The following CASKIN1 variants were observed in gnomAD, a reference collection of about 807,000 sequenced individuals.
The protein encoded by CASKIN1 is caskin-1.
In CASKIN1, 42 loss-of-function variants were observed where a neutral mutation model predicts 117.5. The ratio of observed to expected loss-of-function variants is 0.36; its 90% CI spans 0.28 to 0.46. The LOEUF (loss-of-function observed/expected upper bound fraction) is 0.46, where lower values mean the gene tolerates loss of function less well. Among genes scored for constraint, CASKIN1 ranks in the 20% least tolerant of loss-of-function variants. The pLI is 1.00. For synonymous variants in CASKIN1, 1,148 were observed against 961.7 expected (o/e 1.19, Z -3.59); for missense variants, 2,083 against 2,077.3 (o/e 1.00, Z -0.05).
chr16:2,186,925 A>G, intron 9 of CASKIN1, 53 bp downstream of exon 9: 1 of 1,603,996 alleles, frequency 6.2e-7, no homozygotes, highest in Non-Finnish European at 8.5e-7. Flanking sequence ...TGGGGTGCGC[A>G]CGCCCAGGTG....
At position 2,190,294 on chromosome 16, in the gene CASKIN1, G is replaced by A. The variant is rs1364385223; in HGVS notation, c.146+13C>T. ...CTCCCTTCCAGGCAGGCACCACCCGGCTCAGAACTCACCCATCCGGGTCCT... is the reference window on the plus strand; with the variant it reads ...CTCCCTTCCAGGCAGGCACCACCCGACTCAGAACTCACCCATCCGGGTCCT... On this transcript the variant is annotated intron_variant, in intron 2 of 19. Transcript: ENST00000343516. 3 of 1,576,444 alleles carry A rather than the reference G, an allele frequency of 1.9e-6. No individual in the cohort carries two copies. The highest frequency in any genetic ancestry group is 2.6e-6 in the Non-Finnish European group (3 of 1,160,516).
chr16:2,178,310 G>A lies in CASKIN1; in HGVS notation c.*240C>T. On this transcript the variant is annotated 3_prime_UTR_variant, in exon 20 of 20. Transcript: ENST00000343516. ...CCCGCGCGGGCAGGAGGCCCAGCAGGTATTGCACGGGGAGCAGCAGGTGGG... is the reference window on the plus strand; with the variant it reads ...CCCGCGCGGGCAGGAGGCCCAGCAGATATTGCACGGGGAGCAGCAGGTGGG... The A allele has an allele frequency of 6.8e-6, 3 of 442,368 alleles. No homozygotes were observed. Among genetic ancestry groups the A allele is most frequent in the Non-Finnish European group, 8.1e-6 (2 of 247,886 alleles). 27.4% of individuals were successfully genotyped at this position (442,368 alleles called of 1,614,324 possible). A position where few individuals can be genotyped will look rare whatever the true frequency, so the allele number is the denominator to read the frequency against.
At position 2,178,948 on chromosome 16, in the gene CASKIN1, G is replaced by A; in HGVS notation, c.4153C>T (p.Gln1385Ter). Residue 1385 changes from glutamine to a stop codon, truncating the protein, a stop_gained, in exon 19 of 20, where the codon CAG (glutamine) becomes TAG (stop). Transcript: ENST00000343516. LOFTEE classifies it high-confidence loss of function. ...TGCCGGATCTTCTCCTCCACCGCCT[G>A]CAGCGCCGCGGCCAGGCACGCGCTT... ...ETSACLAAAL[Q>*]AVEEKIRQED... 6.7e-7 allele frequency: 1 copy of A among 1,488,874 alleles called. No homozygotes were observed. Among genetic ancestry groups the A allele is most frequent in the Non-Finnish European group, 8.9e-7 (1 of 1,128,532 alleles). 92.2% of individuals were successfully genotyped at this position (1,488,874 alleles called of 1,614,324 possible).
chr16:2,190,486 C>CTCACTCGT, intron 1 of CASKIN1, 128 bp from the exon 2 acceptor site: 1 of 819,496 alleles, frequency 1.2e-6, no homozygotes. Context: ...TCTGCAGACA[C>CTCACTCGT]TCACTCGTCC....
chr16:2,179,246 C>G lies in CASKIN1; in HGVS notation c.3855G>C (p.Lys1285Asn). ...PPPPTAPKPV[K>N]AVAGLPSGSA... The stretch of plus-strand genomic sequence containing the variant: ...TGCCCGAAGGCAGCCCCGCGACCGC[C>G]TTGACGGGCTTGGGCGCTGTGGGCG... The change falls in exon 19 of 20, where the codon AAG (lysine) becomes AAC (asparagine). Residue 1285 changes from lysine to asparagine, a missense_variant. This residue lies in a region of CASKIN1 where 1,818 missense variants were observed against 1,688.9 expected (regional missense o/e 1.08). Transcript: ENST00000343516. The surrounding 1 kb of genome is among the most constrained non-coding windows in gnomAD (Gnocchi z 5.8). The G allele has an allele frequency of 8.3e-7, 1 of 1,202,990 alleles. No individual in the cohort carries two copies. The highest frequency in any genetic ancestry group is 1.0e-6 in the Non-Finnish European group (1 of 969,986). The allele number at this position is 1,202,990 out of a possible 1,614,324, so 74.5% of individuals were successfully genotyped here. A position where few individuals can be genotyped will look rare whatever the true frequency, so the allele number is the denominator to read the frequency against.
Position 2,181,862 on chromosome 16 carries a change from C to T in CASKIN1, c.1697G>A (p.Gly566Asp), listed in dbSNP as rs928055011. Reference protein sequence around the residue: ...AQYYKVLVDNGYENIDFITDI... With the variant: ...AQYYKVLVDNDYENIDFITDI... Reference sequence around the variant, plus strand: ...GGTGATGAAATCAATGTTCTCGTAGCCATTGTCCACCAACACCTTGTAGTA... The same window carrying T: ...GGTGATGAAATCAATGTTCTCGTAGTCATTGTCCACCAACACCTTGTAGTA... Residue 566 changes from glycine (G) to aspartate (D), a missense_variant, in exon 17 of 20, where the codon GGC (glycine) becomes GAC (aspartate). Gly to Asp is a moderately conservative substitution (Grantham distance 94, BLOSUM62 -1). Coordinates refer to ENST00000343516, the MANE Select transcript of CASKIN1 (RefSeq NM_020764.4). 3 of 1,613,728 alleles carry T rather than the reference C, an allele frequency of 1.9e-6. No individual in the cohort carries two copies. Among genetic ancestry groups the T allele is most frequent in the Non-Finnish European group, 2.5e-6 (3 of 1,180,014 alleles).
At position 2,190,366 on chromosome 16, in the gene CASKIN1, T is replaced by C. The variant is rs770925539; in HGVS notation, c.95-8A>G. 1 of 1,567,500 alleles carries C rather than the reference T, an allele frequency of 6.4e-7. No individual in the cohort carries two copies. Among genetic ancestry groups the C allele is most frequent in the South Asian group, 1.2e-5 (1 of 85,604 alleles). On this transcript the variant is annotated splice_region_variant and splice_polypyrimidine_tract_variant and intron_variant, in intron 1 of 19. Coordinates refer to ENST00000343516, the MANE Select transcript of CASKIN1 (RefSeq NM_020764.4). ...TGGTGGAACCCAGGAGCTCTGGGGA[T>C]GGAAGGAGACTCAGTGAGGGGAGGC...
In CASKIN1 at chr16:2,178,933, TCTC is replaced by T. The variant is rs755668946; in HGVS notation, c.4165_4167del (p.Glu1389del). 50 of 1,493,954 alleles carry T rather than the reference TCTC, an allele frequency of 3.3e-5. No homozygotes were observed. Among genetic ancestry groups the T allele is most frequent in the African/African-American group, 2.2e-4 (15 of 68,634 alleles). 92.5% of individuals were successfully genotyped at this position (1,493,954 alleles called of 1,614,324 possible). A position where few individuals can be genotyped will look rare whatever the true frequency, so the allele number is the denominator to read the frequency against. On this transcript the variant is annotated inframe_deletion, in exon 19 of 20. Transcript: ENST00000343516. Reference sequence around the variant, plus strand: ...CCCTGCGCGTCCTCCTGCCGGATCTTCTCCTCCACCGCCTGCAGCGCCGCGGCC... The same window carrying T: ...CCCTGCGCGTCCTCCTGCCGGATCTTCTCCACCGCCTGCAGCGCCGCGGCC...
In CASKIN1 at chr16:2,179,266, TGGGCGGCGGCGGCGGCTTGGGAGACAC is replaced by T. The variant is rs1433653394; in HGVS notation, c.3808_3834del (p.Val1270_Pro1278del). 3.3e-6 allele frequency: 4 copies of T among 1,206,862 alleles called. No individual in the cohort carries two copies. Among genetic ancestry groups the T allele is most frequent in the East Asian group, 3.4e-5 (1 of 29,280 alleles). The allele number at this position is 1,206,862 out of a possible 1,614,324, so 74.8% of individuals were successfully genotyped here. ...ACCGCCTTGACGGGCTTGGGCGCTG[TGGGCGGCGGCGGCGGCTTGGGAGACAC>T]GGGCGGTGGCGTGCCGTGGGCGCGC... On this transcript the variant is annotated inframe_deletion, in exon 19 of 20. Coordinates refer to ENST00000343516, the MANE Select transcript of CASKIN1 (RefSeq NM_020764.4). The surrounding 1 kb of genome is among the most constrained non-coding windows in gnomAD (Gnocchi z 5.8).
intron 10 of CASKIN1, among the ~76,000 whole-genome samples, chr16:2,186,157 T>C (rs1454612289): frequency 2.0e-5 from 3 of 152,080 alleles, no homozygotes; most frequent in African/African-American, 7.2e-5. Flanking sequence ...TTTGTAGACA[T>C]GGAATCTCAC....
Position 2,182,856 on chromosome 16 carries a change from T to C in CASKIN1, c.1629+790A>G, listed in dbSNP as rs1348578014. 6.6e-6 allele frequency among the ~76,000 whole-genome samples: 1 copy of C among 152,214 alleles called. No individual in the cohort carries two copies. The highest frequency in any genetic ancestry group is 2.4e-5 in the African/African-American group (1 of 41,462). ...CCCAGGCTGGAGTGCAGTGGCGCAA[T>C]CTCGGCTCACTGCAAGCTCCGCCTC... On this transcript the variant is annotated intron_variant, in intron 16 of 19. Coordinates refer to ENST00000343516, the MANE Select transcript of CASKIN1 (RefSeq NM_020764.4). The surrounding 1 kb of genome is among the most constrained non-coding windows in gnomAD (Gnocchi z 4.1).
rs2093151002 is a variant in CASKIN1 at position 2,178,405 on chromosome 16, C to CCTGCCCA, written c.*144_*145insTGGGCAG. Reference sequence around the variant, plus strand: ...CGGCCAGGCGGTCCCCGGTGGGCGCCCCGGCCCGGGTCCAGGGGCCGGAGT... The same window carrying CCTGCCCA: ...CGGCCAGGCGGTCCCCGGTGGGCGCCCTGCCCACCGGCCCGGGTCCAGGGGCCGGAGT... On this transcript the variant is annotated 3_prime_UTR_variant, in exon 20 of 20. Coordinates refer to ENST00000343516, the MANE Select transcript of CASKIN1 (RefSeq NM_020764.4). 1 of 544,150 alleles carries CCTGCCCA rather than the reference C, an allele frequency of 1.8e-6. No homozygotes were observed. The highest frequency in any genetic ancestry group is 4.4e-5 in the Admixed American group (1 of 22,620). 33.7% of individuals were successfully genotyped at this position (544,150 alleles called of 1,614,324 possible). A position where few individuals can be genotyped will look rare whatever the true frequency, so the allele number is the denominator to read the frequency against.
intron 19 of CASKIN1, 90 bp downstream of exon 19, chr16:2,178,800 CGAGCCCCGCCCA>C (rs2093154710): frequency 8.3e-7 from 1 of 1,197,610 alleles, no homozygotes; most frequent in African/African-American, 2.5e-5. Flanking sequence ...CCATCTCTGC[CGAGCCCCGCCCA>C]TCTCTGCCGA....
Position 2,179,523 on chromosome 16 carries a change from C to G in CASKIN1, c.3775+70G>C. On this transcript the variant is annotated intron_variant, in intron 18 of 19. Transcript: ENST00000343516. This position sits in a 1 kb window ranked among gnomAD's most constrained non-coding sequence, Gnocchi z 5.8. ...CCATCAAACCCAAGAAAAGGAAAAC[C>G]CCTCAGACCACCGAGTAAGGAGGTG... The G allele has an allele frequency of 7.1e-7, 1 of 1,402,548 alleles. No individual in the cohort carries two copies. The highest frequency in any genetic ancestry group is 9.3e-7 in the Non-Finnish European group (1 of 1,079,390). The allele number at this position is 1,402,548 out of a possible 1,614,324, so 86.9% of individuals were successfully genotyped here.
At position 2,185,092 on chromosome 16, in the gene CASKIN1, T is replaced by C. The variant is rs2141319636; in HGVS notation, c.1239+19A>G. On this transcript the variant is annotated intron_variant, in intron 12 of 19. Coordinates refer to ENST00000343516, the MANE Select transcript of CASKIN1 (RefSeq NM_020764.4). ...CTCCCAGCCCTGGCCACCCTGGCCC[T>C]GGCCACTACCCCACCTACCTTGACG... 6.2e-7 allele frequency: 1 copy of C among 1,609,138 alleles called. No homozygotes were observed. The highest frequency in any genetic ancestry group is 8.5e-7 in the Non-Finnish European group (1 of 1,179,026).
chr16:2,192,544 T>C (rs188340714), intron 1 of CASKIN1, among the ~76,000 whole-genome samples: 3 of 152,286 alleles, frequency 2.0e-5, no homozygotes, highest in African/African-American at 4.8e-5. Context: ...ACATATCGGC[T>C]GCCCTGTCCA....
chr16:2,178,834 C>A (rs1283550026), intron 19 of CASKIN1, 68 bp downstream of exon 19: 2 of 1,333,554 alleles, frequency 1.5e-6, no homozygotes, highest in Admixed American at 3.8e-5. Flanking sequence ...CCCCGCCCAT[C>A]TCTGCCGAGC....
At position 2,187,031 on chromosome 16, in the gene CASKIN1, A is replaced by G. The variant is rs770496478; in HGVS notation, c.877T>C (p.Cys293Arg). ...AGGCTGGTCAGGTCGTAATTGTTGC[A>G]ATAATCCTTGGTCGCCCGGACCTGC... The part of the protein sequence containing the change: ...ALQVRATKDY[C>R]NNYDLTSLNV... Residue 293 changes from cysteine to arginine, a missense_variant, in exon 9 of 20, where the codon TGC becomes CGC. By Grantham distance (180) the Cys-to-Arg change is radical. This residue lies in a region of CASKIN1 where 1,818 missense variants were observed against 1,688.9 expected (regional missense o/e 1.08). Transcript: ENST00000343516. The G allele has an allele frequency of 5.6e-6, 9 of 1,613,718 alleles. No homozygotes were observed. In the Admixed American group the frequency reaches 1.2e-4, roughly 21 times the overall value.
chr16:2,196,364 C>A lies in CASKIN1; in HGVS notation c.69G>T (p.Leu23=). 7.4e-7 allele frequency: 1 copy of A among 1,350,020 alleles called. No homozygotes were observed. The highest frequency in any genetic ancestry group is 9.6e-7 in the Non-Finnish European group (1 of 1,037,866). 83.6% of individuals were successfully genotyped at this position (1,350,020 alleles called of 1,614,324 possible). ...TGGCCTTCCCGGGCCGCGGCCTCTGCAGCAGCCTCTGCGCGGTCCCTACGT... is the reference window on the plus strand; with the variant it reads ...TGGCCTTCCCGGGCCGCGGCCTCTGAAGCAGCCTCTGCGCGGTCCCTACGT... ...AEDVGTAQRL[L]QRPRPGKAKL... The change falls in exon 1 of 20, where the codon CTG becomes CTT. Residue 23 remains leucine (L), a synonymous_variant. Transcript: ENST00000343516. This position sits in a 1 kb window ranked among gnomAD's most constrained non-coding sequence, Gnocchi z 5.7.
Sources: gnomAD v4.1 joint callset for allele counts (sites outside exome capture counted in the v4.1 genomes callset) on GRCh38, gnomAD v4.1.1 for gene constraint, gnomAD v4.1.1 regional missense constraint, Gnocchi (gnomAD v3.1) non-coding constraint, MANE v1.5 for transcripts, NCBI Gene and HGNC (gene_info 2026-07-23, HGNC 2026-07-21) for gene names.